The following TASP1 variants were observed in gnomAD, a reference collection of about 807,000 sequenced individuals.
TASP1 encodes threonine aspartase 1.
TASP1 carries 16 observed loss-of-function variants against 56.6 expected under a neutral mutation model. The observed-to-expected ratio is 0.28, with a 90% CI of 0.19 to 0.43. The LOEUF is 0.43. TASP1 is among the 20% of genes least tolerant of loss of function. The pLI, the probability that TASP1 is intolerant of heterozygous loss-of-function variation, is 1.00. For synonymous variants in TASP1, 179 were observed against 184.2 expected (o/e 0.97, Z 0.23); for missense variants, 393 against 511.6 (o/e 0.77, Z 2.24).
intron 10 of TASP1, among the ~76,000 whole-genome samples, chr20:13,504,069 G>C (rs752054515): frequency 6.6e-6 from 1 of 151,840 alleles, no homozygotes; most frequent in Non-Finnish European, 1.5e-5. Context: ...CTCAAATCTG[G>C]GGAGAGATAT....
chr20:13,414,554 G>T (rs752050100), intron 13 of TASP1, among the ~76,000 whole-genome samples: 6 of 152,092 alleles, frequency 3.9e-5, no homozygotes, highest in Non-Finnish European at 8.8e-5. Flanking sequence ...CATAATAAAA[G>T]AAACCTAATT....
intron 13 of TASP1, among the ~76,000 whole-genome samples, chr20:13,409,343 T>TA (rs2042020711): frequency 6.6e-6 from 1 of 152,044 alleles, no homozygotes; most frequent in Non-Finnish European, 1.5e-5. Flanking sequence ...AGAAGGATGT[T>TA]AAAGTTTCCA....
chr20:13,351,473 T>C, the TASP1 span, among the ~76,000 whole-genome samples: 1 of 152,208 alleles, frequency 6.6e-6, no homozygotes, highest in Non-Finnish European at 1.5e-5. Flanking sequence ...GCAATAAAGA[T>C]GGTCCAAGAA....
At chr20:13,612,910 C>A (rs1766417557) in intron 4 of TASP1, among the ~76,000 whole-genome samples, 1 of 152,146 alleles carries the variant, frequency 6.6e-6, no homozygotes, top group Admixed American at 6.6e-5. Context: ...GCCCCTCCAT[C>A]TTCTCTCCCA....
chr20:13,233,022 A>G, the TASP1 span, among the ~76,000 whole-genome samples: 2 of 139,904 alleles, frequency 1.4e-5, no homozygotes, highest in Admixed American at 1.4e-4. Context: ...TCGATGCTGG[A>G]CCAAAAAAAA....
intron 10 of TASP1, among the ~76,000 whole-genome samples, chr20:13,505,591 T>G (rs1452681264): frequency 6.6e-6 from 1 of 151,908 alleles, no homozygotes; most frequent in Admixed American, 6.6e-5. Flanking sequence ...ACAACAGAAT[T>G]AAATAGAAAC....
chr20:13,385,170 C>T (rs1215257631), downstream of TASP1, among the ~76,000 whole-genome samples: 2 of 152,206 alleles, frequency 1.3e-5, no homozygotes, highest in East Asian at 3.8e-4. Flanking sequence ...GTGTTCGTGA[C>T]ACAGGACACT....
the TASP1 span, among the ~76,000 whole-genome samples, chr20:13,271,957 T>C: frequency 1.1e-3 from 171 of 152,274 alleles, no homozygotes; most frequent in African/African-American, 3.8e-3. Flanking sequence ...TTTTTAATTT[T>C]TTGTAGAAAC....
the TASP1 span, among the ~76,000 whole-genome samples, chr20:13,336,709 C>T: frequency 1.3e-5 from 2 of 152,158 alleles, no homozygotes; most frequent in Non-Finnish European, 2.9e-5. Context: ...AAATTATGTA[C>T]CCAGCCCTGA....
chr20:13,110,267 T>G, the TASP1 span: 41 of 1,513,740 alleles, frequency 2.7e-5, no homozygotes, highest in Non-Finnish European at 2.6e-5. Context: ...TGCAGCAAGC[T>G]GACCAGTGCG....
chr20:13,169,395 C>A, the TASP1 span, among the ~76,000 whole-genome samples: 4 of 152,088 alleles, frequency 2.6e-5, no homozygotes, highest in Non-Finnish European at 4.4e-5. Flanking sequence ...CTGAGACCAC[C>A]TACAATGGTA....
chr20:13,164,367 G>A, the TASP1 span: 116 of 472,862 alleles, frequency 2.5e-4, no homozygotes, highest in African/African-American at 2.1e-3. Flanking sequence ...GTGATTTGCT[G>A]TGTCATGAAG....
intron 11 of TASP1, among the ~76,000 whole-genome samples, chr20:13,438,319 G>A (rs1012196691): frequency 5.9e-5 from 9 of 152,070 alleles, no homozygotes; most frequent in African/African-American, 1.9e-4. Context: ...ATAGACCAAT[G>A]GAACAGAACA....
chr20:13,525,805 A>G (rs1298611138), intron 10 of TASP1, among the ~76,000 whole-genome samples: 1 of 152,140 alleles, frequency 6.6e-6, no homozygotes, highest in Non-Finnish European at 1.5e-5. Flanking sequence ...ACAAAGTCCA[A>G]CGGACAAGAG....
chr20:13,476,143 CAAAT>C (rs1028988003), intron 11 of TASP1, among the ~76,000 whole-genome samples: 1 of 152,016 alleles, frequency 6.6e-6, no homozygotes, highest in East Asian at 1.9e-4. Flanking sequence ...AACAAACAAA[CAAAT>C]AAATAAAGTC....
At chr20:13,393,377 C>A in intron 13 of TASP1, 1 of 743,790 alleles carries the variant, frequency 1.3e-6, no homozygotes, top group Non-Finnish European at 2.4e-6. Context: ...CCTTCCATGT[C>A]CCCATTGCCA....
the TASP1 span, among the ~76,000 whole-genome samples, chr20:13,190,774 C>T: frequency 6.6e-6 from 1 of 151,960 alleles, no homozygotes; most frequent in African/African-American, 2.4e-5. Context: ...GGCAAAGGAA[C>T]CAACCAACAG....
intron 10 of TASP1, among the ~76,000 whole-genome samples, chr20:13,528,219 C>CAAAAAAAAAAAAAAAAAAAAAA (rs397942980): frequency 3.7e-5 from 2 of 54,316 alleles, no homozygotes; most frequent in Non-Finnish European, 3.2e-5. Context: ...GACTCTGACT[C>CAAAAAAAAAAAAAAAAAAAAAA]AAAAAAAAAA....
At chr20:13,423,052 A>C (rs1402870545) in intron 12 of TASP1, among the ~76,000 whole-genome samples, 2 of 152,252 alleles carry the variant, frequency 1.3e-5, no homozygotes, top group South Asian at 4.1e-4. Context: ...TATATATATA[A>C]AATAACATAT....
Sources: allele counts gnomAD v4.1 joint callset (sites outside exome capture counted in the v4.1 genomes callset), GRCh38; gene constraint gnomAD v4.1.1; transcripts MANE v1.5; gene names NCBI Gene and HGNC (gene_info 2026-07-23, HGNC 2026-07-21).